RBFOX1: variants seen among roughly 807,000 people sequenced by gnomAD.
RBFOX1 encodes RNA binding fox-1 homolog 1, also known as RNA binding protein fox-1 homolog 1.
A neutral mutation model predicts 57.7 loss-of-function variants in RBFOX1; 8 were observed. The ratio of observed to expected loss-of-function variants is 0.14; its 90% confidence interval spans 0.08 to 0.25. RBFOX1 has a LOEUF of 0.25. Among genes scored for constraint, RBFOX1 ranks in the 10% least tolerant of loss-of-function variants. The probability of loss-of-function intolerance (pLI) is 1.00; values close to 1 mark genes in which losing one functional copy is unlikely to be tolerated. For missense variants in RBFOX1, 611 were observed against 548.5 expected, an observed-to-expected ratio of 1.11 and a Z score of -1.14; for synonymous variants, 326 against 222.4, an observed-to-expected ratio of 1.47 and a Z score of -4.15.
intron 3 of RBFOX1, among the ~76,000 whole-genome samples, chr16:5,842,828 A>G (rs1043813250): frequency 2.6e-5 from 4 of 151,070 alleles, no homozygotes; most frequent in Non-Finnish European, 5.9e-5. Flanking sequence ...TTTTTAATTT[A>G]TTTATTTTGA....
At chr16:7,702,594 C>T (rs184199395) in intron 14 of RBFOX1, among the ~76,000 whole-genome samples, 113 of 152,316 alleles carry the variant, frequency 7.4e-4, no homozygotes, top group Non-Finnish European at 1.3e-3. Flanking sequence ...GTAGCTGGGG[C>T]AGTGCTGCAG....
chr16:5,820,705 C>A (rs570225182), intron 3 of RBFOX1, among the ~76,000 whole-genome samples: 2 of 152,154 alleles, frequency 1.3e-5, no homozygotes, highest in Non-Finnish European at 2.9e-5. Flanking sequence ...TGTTGGGACG[C>A]GACTCCAGCA....
At chr16:7,368,770 ACT>A in intron 4 of RBFOX1, among the ~76,000 whole-genome samples, 1 of 102,396 alleles carries the variant, frequency 9.8e-6, no homozygotes, top group Non-Finnish European at 2.0e-5. Context: ...ACAGAGCGAG[ACT>A]CTGTCTCAAA....
chr16:6,804,003 C>T (rs2086110351), intron 3 of RBFOX1, among the ~76,000 whole-genome samples: 1 of 151,444 alleles, frequency 6.6e-6, no homozygotes, highest in South Asian at 2.1e-4. Flanking sequence ...GTACATAAAA[C>T]TCATACAATT....
chr16:7,137,000 T>C (rs892652213), intron 4 of RBFOX1, among the ~76,000 whole-genome samples: 2 of 152,256 alleles, frequency 1.3e-5, no homozygotes, highest in African/African-American at 2.4e-5. Context: ...ACAGGACTTT[T>C]ATTTCAGTCT....
chr16:6,632,558 A>G (rs986198580), intron 2 of RBFOX1, among the ~76,000 whole-genome samples: 2 of 152,190 alleles, frequency 1.3e-5, no homozygotes, highest in Non-Finnish European at 2.9e-5. Context: ...TCTTTTACCA[A>G]TGTTGATGGA....
intron 3 of RBFOX1, among the ~76,000 whole-genome samples, chr16:5,748,560 T>C (rs1248921544): frequency 1.3e-5 from 2 of 152,210 alleles, no homozygotes; most frequent in Admixed American, 6.5e-5. Context: ...GGGTGCTGTA[T>C]TGGGTGCATA....
chr16:5,403,065 C>T lies in RBFOX1; in HGVS notation c.220-64151C>T, dbSNP rs1351610577. 1.6e-3 allele frequency among the ~76,000 whole-genome samples: 251 copies of T among 152,242 alleles called. 2 individuals carry two copies. The highest frequency in any genetic ancestry group is 5.5e-3 in the African/African-American group (228 of 41,536). The stretch of plus-strand genomic sequence containing the variant: ...AAGCAAAAGTGTCATAAAACCCTTA[C>T]TACGGGCGGGGCATGGTGACTCATG... On this transcript the variant is annotated intron_variant, in intron 1 of 2. Transcript: ENST00000585867.
intron 4 of RBFOX1, among the ~76,000 whole-genome samples, chr16:5,977,901 CTG>C (rs1435594174): frequency 2.0e-5 from 3 of 151,862 alleles, no homozygotes; most frequent in African/African-American, 4.8e-5. Flanking sequence ...GTTTTTTTGA[CTG>C]TTCCTTTATT....
chr16:5,507,020 AATGG>A (rs1230560116), intron 2 of RBFOX1, among the ~76,000 whole-genome samples: 1 of 151,830 alleles, frequency 6.6e-6, no homozygotes, highest in Non-Finnish European at 1.5e-5. Context: ...TTTTCTTCAT[AATGG>A]ACCCCTGGAG....
intron 1 of RBFOX1, among the ~76,000 whole-genome samples, chr16:6,076,292 T>A (rs905874934): frequency 2.1e-4 from 28 of 131,286 alleles, no homozygotes; most frequent in African/African-American, 7.5e-4. Flanking sequence ...AGAGCAAAAC[T>A]CTGTCTCAAA....
chr16:7,331,838 A>C (rs2096701726), intron 4 of RBFOX1, among the ~76,000 whole-genome samples: 1 of 152,126 alleles, frequency 6.6e-6, no homozygotes, highest in Non-Finnish European at 1.5e-5. Flanking sequence ...ATTCCAATTC[A>C]TGTCATCCCC....
intron 4 of RBFOX1, among the ~76,000 whole-genome samples, chr16:7,443,894 A>G (rs1317420675): frequency 1.3e-5 from 2 of 152,192 alleles, no homozygotes; most frequent in Non-Finnish European, 2.9e-5. Context: ...ACTTCCTACA[A>G]TAGGGCACTA....
intron 4 of RBFOX1, among the ~76,000 whole-genome samples, chr16:7,473,936 C>T (rs2062080086): frequency 6.6e-6 from 1 of 152,110 alleles, no homozygotes; most frequent in Non-Finnish European, 1.5e-5. Context: ...TTGAACTCTA[C>T]CTATTAACTG....
intron 2 of RBFOX1, among the ~76,000 whole-genome samples, chr16:6,412,229 C>T (rs1371099895): frequency 2.0e-5 from 3 of 151,236 alleles, no homozygotes; most frequent in East Asian, 1.9e-4. Flanking sequence ...GAGTTAGAAA[C>T]ATGAATCTCA....
At chr16:7,112,977 G>T (rs551119162) in intron 4 of RBFOX1, among the ~76,000 whole-genome samples, 1 of 152,108 alleles carries the variant, frequency 6.6e-6, no homozygotes, top group South Asian at 2.1e-4. Flanking sequence ...AGGCGCTGCC[G>T]AATTGGTTGG....
intron 4 of RBFOX1, among the ~76,000 whole-genome samples, chr16:5,879,160 A>G (rs906475651): frequency 3.3e-5 from 5 of 152,176 alleles, no homozygotes; most frequent in Non-Finnish European, 5.9e-5. Context: ...AGAATGCTGT[A>G]TGGAAACGCC....
At chr16:6,725,583 A>G (rs2067004488) in intron 3 of RBFOX1, among the ~76,000 whole-genome samples, 1 of 152,212 alleles carries the variant, frequency 6.6e-6, no homozygotes, top group Admixed American at 6.5e-5. Context: ...AGAGATAATC[A>G]TAAAAATATC....
At chr16:5,953,134 G>C (rs2059554616) in intron 4 of RBFOX1, among the ~76,000 whole-genome samples, 1 of 151,932 alleles carries the variant, frequency 6.6e-6, no homozygotes, top group South Asian at 2.1e-4. Flanking sequence ...TGGGAGGTAG[G>C]GATATTTTAA....
Sources: allele counts gnomAD v4.1 joint callset (sites outside exome capture counted in the v4.1 genomes callset), GRCh38; gene constraint gnomAD v4.1.1; transcripts MANE v1.5; gene names NCBI Gene and HGNC (gene_info 2026-07-23, HGNC 2026-07-21).